Variants in MYH11 observed in about 807,000 individuals in gnomAD.
MYH11 encodes the protein myosin-11.
A neutral mutation model predicts 246.6 loss-of-function variants in MYH11; 80 were observed. The ratio of observed to expected loss-of-function variants is 0.32; its 90% CI spans 0.27 to 0.39. The LOEUF (loss-of-function observed/expected upper bound fraction) is 0.39. Ranked by LOEUF, MYH11 falls within the 10% of genes least tolerant of loss-of-function variation. The pLI, the probability that MYH11 is intolerant of heterozygous loss-of-function variation, is 1.00. For missense variants in MYH11, 2,158 were observed against 2,546.8 expected, an observed-to-expected ratio of 0.85 and a Z score of 3.29; for synonymous variants, 1,071 against 1,015.5, an observed-to-expected ratio of 1.05 and a Z score of -1.04.
chr16:15,834,788 G>C (rs1475347697), intron 2 of MYH11, among the ~76,000 whole-genome samples: 1 of 151,992 alleles, frequency 6.6e-6, no homozygotes, highest in Non-Finnish European at 1.5e-5. Flanking sequence ...TAATAGTTAC[G>C]GCCAGGCACA....
At chr16:15,718,886 G>A (rs919941015) in intron 36 of MYH11, 15 of 414,454 alleles carry the variant, frequency 3.6e-5, no homozygotes, top group African/African-American at 6.1e-5. Flanking sequence ...ACAGCACTTT[G>A]GGAGGCCAAG....
At chr16:15,729,746 T>C (rs2040905094) in intron 27 of MYH11, among the ~76,000 whole-genome samples, 1 of 152,074 alleles carries the variant, frequency 6.6e-6, no homozygotes, top group South Asian at 2.1e-4. Flanking sequence ...AGACGGGGTT[T>C]TGCCATGTTG....
intron 5 of MYH11, 198 bp from the exon 6 acceptor site, chr16:15,782,675 A>T (rs146026534): frequency 1.7e-6 from 1 of 585,412 alleles, no homozygotes; most frequent in African/African-American, 1.9e-5. Flanking sequence ...GCTCTCTAAT[A>T]GCTAGGACAT....
chr16:15,797,304 A>G (rs977813395), intron 4 of MYH11, among the ~76,000 whole-genome samples: 3 of 152,112 alleles, frequency 2.0e-5, no homozygotes, highest in Middle Eastern at 3.2e-3. Flanking sequence ...ATTTCATGCA[A>G]ATAGGAAACA....
At chr16:15,707,681 C>A (rs1247313235) in intron 40 of MYH11, among the ~76,000 whole-genome samples, 1 of 152,176 alleles carries the variant, frequency 6.6e-6, no homozygotes, top group East Asian at 1.9e-4. Flanking sequence ...ATCCACATGG[C>A]CTAACTTCAC....
At chr16:15,704,824 T>A (rs2039362890) in intron 40 of MYH11, among the ~76,000 whole-genome samples, 1 of 152,128 alleles carries the variant, frequency 6.6e-6, no homozygotes, top group Non-Finnish European at 1.5e-5. Context: ...AAAAGGAAAT[T>A]ATACGTGTTA....
At chr16:15,855,100 A>G (rs1450326728) in intron 1 of MYH11, among the ~76,000 whole-genome samples, 1 of 152,196 alleles carries the variant, frequency 6.6e-6, no homozygotes, top group African/African-American at 2.4e-5. Context: ...AAAAGTAATG[A>G]TAACAAATCC....
chr16:15,789,384 G>C (rs3898632), intron 4 of MYH11, among the ~76,000 whole-genome samples: 21,310 of 152,128 alleles, frequency 0.14, 1,609 homozygotes, highest in Admixed American at 0.15. Context: ...AATCTAATGA[G>C]AGAGTTATTA....
chr16:15,806,789 G>C (rs1483178675), intron 3 of MYH11, among the ~76,000 whole-genome samples: 2 of 108,094 alleles, frequency 1.9e-5, no homozygotes, highest in Non-Finnish European at 3.8e-5. Flanking sequence ...AACAATGCCT[G>C]ACACACAGTA....
Position 15,750,050 on chromosome 16 carries a change from T to C in MYH11, c.2058+88A>G, listed in dbSNP as rs759433861. The C allele has an allele frequency of 6.6e-7, 1 of 1,520,604 alleles. No homozygotes were observed. Among genetic ancestry groups the C allele is most frequent in the Non-Finnish European group, 9.1e-7 (1 of 1,104,886 alleles). The allele number at this position is 1,520,604 out of a possible 1,614,324, so 94.2% of individuals were successfully genotyped here. On this transcript the variant is annotated intron_variant, in intron 16 of 40. Transcript: ENST00000300036. The surrounding 1 kb of genome is among the most constrained non-coding windows in gnomAD (Gnocchi z 4.3). ...TGGAAAATGGGGTCCTCGGGGTAGG[T>C]GGGGGCAGAGGGCGCCCTGGGGACG...
chr16:15,757,112 T>G (rs2041745026), intron 13 of MYH11, among the ~76,000 whole-genome samples: 1 of 151,976 alleles, frequency 6.6e-6, no homozygotes, highest in South Asian at 2.1e-4. Context: ...TCATAATTCT[T>G]GCAAATGAAT....
chr16:15,825,849 C>T (rs1400086896), intron 2 of MYH11, among the ~76,000 whole-genome samples: 1 of 152,040 alleles, frequency 6.6e-6, no homozygotes, highest in Non-Finnish European at 1.5e-5. Context: ...CAGGCTCCAA[C>T]CCGTCTCACA....
intron 9 of MYH11, among the ~76,000 whole-genome samples, chr16:15,771,352 A>G (rs1280073663): frequency 6.6e-6 from 1 of 151,966 alleles, no homozygotes. Flanking sequence ...GGTTTAAGCC[A>G]GCTCGGGTTA....
chr16:15,763,704 C>G, intron 10 of MYH11, 92 bp downstream of exon 10: 1 of 1,095,628 alleles, frequency 9.1e-7, no homozygotes, highest in Non-Finnish European at 1.4e-6. Flanking sequence ...TCCCAGATAC[C>G]TTCACCTTGA....
At chr16:15,727,932 C>G (rs925866010) in intron 27 of MYH11, among the ~76,000 whole-genome samples, 5 of 152,200 alleles carry the variant, frequency 3.3e-5, no homozygotes, top group Non-Finnish European at 7.3e-5. Flanking sequence ...GATCACACCA[C>G]TGCACTCCAG....
At chr16:15,765,320 T>TGATG (rs796569567) in intron 9 of MYH11, among the ~76,000 whole-genome samples, 7 of 150,114 alleles carry the variant, frequency 4.7e-5, no homozygotes, top group Admixed American at 4.6e-4. Flanking sequence ...GATAGACGGA[T>TGATG]GATGGATGGA....
rs539544661 is a variant in MYH11 at position 15,779,170 on chromosome 16, C to T, written c.727-327G>A. 7 of 416,992 alleles carry T rather than the reference C, an allele frequency of 1.7e-5. No individual in the cohort carries two copies. The Middle Eastern group carries it at 3.1e-3, about 182-fold the overall frequency. The allele number at this position is 416,992 out of a possible 1,614,324, so 25.8% of individuals were successfully genotyped here. ...TAGAGACAAGGTTTTGCTCTGTCAGCGAGGGCTGGAGTGCAGTGGTGCAAT... is the reference window on the plus strand; with the variant it reads ...TAGAGACAAGGTTTTGCTCTGTCAGTGAGGGCTGGAGTGCAGTGGTGCAAT... On this transcript the variant is annotated intron_variant, in intron 6 of 40. Coordinates refer to ENST00000300036, the MANE Select transcript of MYH11 (RefSeq NM_002474.3).
chr16:15,704,939 A>C (rs1341735317), intron 40 of MYH11, among the ~76,000 whole-genome samples: 1 of 152,156 alleles, frequency 6.6e-6, no homozygotes, highest in Non-Finnish European at 1.5e-5. Context: ...TTGGCCTCCC[A>C]AAGCGCTGGC....
At chr16:15,758,365 C>T (rs2041785223) in intron 12 of MYH11, among the ~76,000 whole-genome samples, 1 of 152,130 alleles carries the variant, frequency 6.6e-6, no homozygotes. Context: ...TCTTTCGGGA[C>T]ATCTATCAAT....
Sources: allele counts gnomAD v4.1 joint callset (sites outside exome capture counted in the v4.1 genomes callset), GRCh38; gene constraint gnomAD v4.1.1; non-coding constraint Gnocchi (gnomAD v3.1); transcripts MANE v1.5; gene names NCBI Gene and HGNC (gene_info 2026-07-23, HGNC 2026-07-21).